The following C22orf31 variants were observed in gnomAD, a reference collection of about 807,000 sequenced individuals.
C22orf31 encodes the protein chromosome 22 open reading frame 31.
In C22orf31, 11 loss-of-function variants were observed where a neutral mutation model predicts 15.0. The ratio of observed to expected loss-of-function variants is 0.73; its 90% confidence interval spans 0.46 to 1.21. The LOEUF (loss-of-function observed/expected upper bound fraction) is 1.21. Among genes scored for constraint, C22orf31 ranks in the 50% most tolerant of loss-of-function variants. C22orf31 has a pLI of 0.00. For synonymous variants in C22orf31, 132 were observed against 133.3 expected, an observed-to-expected ratio of 0.99 and a Z score of 0.07; for missense variants, 340 against 347.2, an observed-to-expected ratio of 0.98 and a Z score of 0.17.
chr22:29,061,072 C>T (rs2037385932), intron 1 of C22orf31, among the ~76,000 whole-genome samples: 1 of 152,076 alleles, frequency 6.6e-6, no homozygotes, highest in South Asian at 2.1e-4. Context: ...TCTCAAAGAA[C>T]ATAGCATGCC....
Position 29,060,710 on chromosome 22 carries a change from CAT to C in C22orf31, c.135_136del (p.Ala47LysfsTer5). ...TGGGGCATTAATGTTCTGCTTTGCACATGTTCTGGCCATCCAGATGTTGGTGA... is the reference window on the plus strand; with the variant it reads ...TGGGGCATTAATGTTCTGCTTTGCACGTTCTGGCCATCCAGATGTTGGTGA... On this transcript the variant is annotated frameshift_variant, in exon 2 of 3. Transcript: ENST00000216071. LOFTEE classifies it high-confidence loss of function. 6.2e-7 allele frequency: 1 copy of C among 1,614,134 alleles called. No individual in the cohort carries two copies. Among genetic ancestry groups the C allele is most frequent in the Non-Finnish European group, 8.5e-7 (1 of 1,180,042 alleles).
rs182735932 is a variant in C22orf31 at position 29,061,558 on chromosome 22, G to A, written c.3+232C>T. Among the ~76,000 whole-genome samples, 19 of 152,216 alleles carry A rather than the reference G, an allele frequency of 1.2e-4. No homozygotes were observed. In the East Asian group the frequency reaches 3.3e-3, roughly 26 times the overall value. Reference sequence around the variant, plus strand: ...TGGGATTACCAGCATGAGCCACCATGTTCGGCTGAATACACTTTCTAACCA... The same window carrying A: ...TGGGATTACCAGCATGAGCCACCATATTCGGCTGAATACACTTTCTAACCA... On this transcript the variant is annotated intron_variant, in intron 1 of 2. Coordinates refer to ENST00000216071, the MANE Select transcript of C22orf31 (RefSeq NM_015370.2).
At chr22:29,059,997 T>TTGGTATAGA in intron 2 of C22orf31, 1 of 970,564 alleles carries the variant, frequency 1.0e-6, no homozygotes, top group Non-Finnish European at 1.2e-6. Context: ...TTTCCTTCAC[T>TTGGTATAGA]TGGTATAGAT....
intron 2 of C22orf31, chr22:29,059,690 C>T: frequency 1.0e-6 from 1 of 964,986 alleles, no homozygotes; most frequent in Non-Finnish European, 1.2e-6. Context: ...TACCTGGATT[C>T]CAATCAGGCC....
the C22orf31 span, among the ~76,000 whole-genome samples, chr22:29,069,489 C>T: frequency 2.6e-5 from 4 of 152,156 alleles, no homozygotes; most frequent in African/African-American, 4.8e-5. Flanking sequence ...AACAGACAAA[C>T]GGACACCAAC....
At position 29,060,841 on chromosome 22, in the gene C22orf31, G is replaced by C. The variant is rs765555478; in HGVS notation, c.6C>G (p.His2Gln). The C allele has an allele frequency of 6.2e-7, 1 of 1,608,340 alleles. No homozygotes were observed. The highest frequency in any genetic ancestry group is 8.5e-7 in the Non-Finnish European group (1 of 1,176,208). The change falls in exon 2 of 3, where the codon CAC (histidine) becomes CAG (glutamine). Residue 2 changes from histidine (H) to glutamine (Q), a missense_variant and splice_region_variant. Physicochemically the swap from His to Gln is conservative, Grantham distance 24. Coordinates refer to ENST00000216071, the MANE Select transcript of C22orf31 (RefSeq NM_015370.2). Reference sequence around the variant, plus strand: ...TGGGGTCTCGTCTCACATTGATTGGGTGCTAGAATTATAAGGAGGGAGAAA... The same window carrying C: ...TGGGGTCTCGTCTCACATTGATTGGCTGCTAGAATTATAAGGAGGGAGAAA... M[H>Q]PINVRRDPSI...
At chr22:29,069,404 C>T in the C22orf31 span, among the ~76,000 whole-genome samples, 1 of 152,194 alleles carries the variant, frequency 6.6e-6, no homozygotes, top group Non-Finnish European at 1.5e-5. Flanking sequence ...CAAACTCCAA[C>T]ATTGTAGGTC....
the C22orf31 span, chr22:29,073,204 GC>G: frequency 8.4e-7 from 1 of 1,185,216 alleles, no homozygotes. The surrounding 1 kb of genome is among the most constrained non-coding windows in gnomAD (Gnocchi z 4.4). Context: ...CCCGCGCCTA[GC>G]CCCGGCCTCG....
At chr22:29,073,244 C>A in the C22orf31 span, 2 of 1,091,676 alleles carry the variant, frequency 1.8e-6, no homozygotes, top group Admixed American at 4.6e-5. The surrounding 1 kb of genome is among the most constrained non-coding windows in gnomAD (Gnocchi z 4.4). Flanking sequence ...GTGAGCGACC[C>A]CCCGCCGCCC....
chr22:29,068,499 C>T, the C22orf31 span, among the ~76,000 whole-genome samples: 2 of 150,772 alleles, frequency 1.3e-5, no homozygotes, highest in Non-Finnish European at 2.9e-5. Context: ...CAACCTCTGC[C>T]TCTCGGGTTC....
chr22:29,073,234 G>T, the C22orf31 span: 1 of 1,143,098 alleles, frequency 8.7e-7, no homozygotes, highest in Non-Finnish European at 1.1e-6. The surrounding 1 kb of genome is among the most constrained non-coding windows in gnomAD (Gnocchi z 4.4). Flanking sequence ...CCCGGTGAGT[G>T]TGAGCGACCC....
the C22orf31 span, among the ~76,000 whole-genome samples, chr22:29,068,632 G>A: frequency 2.0e-5 from 3 of 150,882 alleles, no homozygotes; most frequent in African/African-American, 4.9e-5. Context: ...GGATAGTCTC[G>A]ATCTCCTGAC....
At chr22:29,070,905 G>C in the C22orf31 span, among the ~76,000 whole-genome samples, 2 of 152,204 alleles carry the variant, frequency 1.3e-5, no homozygotes, top group Admixed American at 1.3e-4. Context: ...CTTGGTGGCT[G>C]TATCCTCAGC....
At chr22:29,073,121 C>T in the C22orf31 span, 1 of 1,029,250 alleles carries the variant, frequency 9.7e-7, no homozygotes, top group Non-Finnish European at 1.2e-6. The surrounding 1 kb of genome is among the most constrained non-coding windows in gnomAD (Gnocchi z 4.4). Flanking sequence ...GGGCCCCGCA[C>T]TGACGGCCCA....
Position 29,058,682 on chromosome 22 carries a change from A to G in C22orf31, c.*60T>C. The G allele has an allele frequency of 7.5e-7, 1 of 1,335,360 alleles. No homozygotes were observed. Among genetic ancestry groups the G allele is most frequent in the East Asian group, 2.3e-5 (1 of 43,398 alleles). The allele number at this position is 1,335,360 out of a possible 1,614,324, so 82.7% of individuals were successfully genotyped here. A position where few individuals can be genotyped will look rare whatever the true frequency, so the allele number is the denominator to read the frequency against. ...CTCTGCGATAACACGGAAGGTGCAA[A>G]GTTGTGTTTATTTTTCAGATCTCTA... On this transcript the variant is annotated 3_prime_UTR_variant, in exon 3 of 3. Transcript: ENST00000216071.
At chr22:29,069,943 CTTTTTT>C in the C22orf31 span, among the ~76,000 whole-genome samples, 1 of 96,530 alleles carries the variant, frequency 1.0e-5, no homozygotes, top group Non-Finnish European at 2.0e-5. Flanking sequence ...TCTTGAAATT[CTTTTTT>C]TTTTTTTTTT....
chr22:29,069,757 G>A, the C22orf31 span, among the ~76,000 whole-genome samples: 1 of 152,146 alleles, frequency 6.6e-6, no homozygotes, highest in Admixed American at 6.5e-5. Context: ...GGGTGGAGAA[G>A]GTTAGAGGGA....
At chr22:29,073,682 C>A in the C22orf31 span, among the ~76,000 whole-genome samples, 1 of 149,744 alleles carries the variant, frequency 6.7e-6, no homozygotes, top group Non-Finnish European at 1.5e-5. The surrounding 1 kb of genome is among the most constrained non-coding windows in gnomAD (Gnocchi z 4.4). Flanking sequence ...CGGGCCGGGA[C>A]GTCCTCTGCT....
the C22orf31 span, among the ~76,000 whole-genome samples, chr22:29,069,091 G>A: frequency 6.6e-6 from 1 of 152,024 alleles, no homozygotes; most frequent in Non-Finnish European, 1.5e-5. Flanking sequence ...GTAAGACTAG[G>A]GTTCCACTGC....
Sources: gnomAD v4.1 joint callset for allele counts (sites outside exome capture counted in the v4.1 genomes callset) on GRCh38, gnomAD v4.1.1 for gene constraint, Gnocchi (gnomAD v3.1) non-coding constraint, MANE v1.5 for transcripts, NCBI Gene and HGNC (gene_info 2026-07-23, HGNC 2026-07-21) for gene names.